Variants in FAM91A1 observed in about 807,000 individuals in gnomAD.
FAM91A1 encodes protein FAM91A1.
In FAM91A1, 41 loss-of-function variants were observed where a neutral mutation model predicts 113.5. That is an observed-to-expected ratio of 0.36 (90% CI 0.28 to 0.47). The LOEUF (loss-of-function observed/expected upper bound fraction) is 0.47. Ranked by LOEUF, FAM91A1 falls within the 20% of genes least tolerant of loss-of-function variation. FAM91A1 has a pLI of 1.00. For missense variants in FAM91A1, 696 were observed against 1,001.2 expected (o/e 0.70, Z 4.11); for synonymous variants, 307 against 347.9 (o/e 0.88, Z 1.31).
chr8:123,804,714 T>C (rs1214622091), intron 18 of FAM91A1, among the ~76,000 whole-genome samples: 1 of 152,144 alleles, frequency 6.6e-6, no homozygotes, highest in Non-Finnish European at 1.5e-5. Flanking sequence ...ATCTTTCCAT[T>C]GCAGGTCATA....
chr8:123,808,251 T>G, intron 20 of FAM91A1, 21 bp from the exon 21 acceptor site: 1 of 1,590,904 alleles, frequency 6.3e-7, no homozygotes, highest in Non-Finnish European at 8.6e-7. Context: ...CCTAATATTG[T>G]GTATGCCCTT....
chr8:123,789,528 G>A, intron 14 of FAM91A1, 85 bp from the exon 15 acceptor site: 2 of 1,572,184 alleles, frequency 1.3e-6, no homozygotes, highest in Non-Finnish European at 1.7e-6. Flanking sequence ...TTTGAATAAT[G>A]TCTTATATCT....
chr8:123,790,746 C>T (rs1165700520), intron 15 of FAM91A1, among the ~76,000 whole-genome samples: 1 of 152,136 alleles, frequency 6.6e-6, no homozygotes, highest in Non-Finnish European at 1.5e-5. Context: ...TTGAGTGAGG[C>T]TAGACTCACT....
In FAM91A1 at chr8:123,768,574, C is replaced by A; in HGVS notation, c.-129C>A. Reference sequence around the variant, plus strand: ...GTCGGGAGCCTAGGCCATGGGGCAGCCTGGGCCTTCTGCAGTGTGAGGCGC... The same window carrying A: ...GTCGGGAGCCTAGGCCATGGGGCAGACTGGGCCTTCTGCAGTGTGAGGCGC... On this transcript the variant is annotated 5_prime_UTR_variant, in exon 1 of 24. Transcript: ENST00000334705. 1.3e-6 allele frequency: 1 copy of A among 763,624 alleles called. No homozygotes were observed. Among genetic ancestry groups the A allele is most frequent in the Non-Finnish European group, 2.0e-6 (1 of 490,120 alleles). 47.3% of individuals were successfully genotyped at this position (763,624 alleles called of 1,614,324 possible).
chr8:123,796,461 C>CTTTT (rs71289612), intron 15 of FAM91A1, among the ~76,000 whole-genome samples: 1 of 129,044 alleles, frequency 7.7e-6, no homozygotes, highest in Non-Finnish European at 1.6e-5. Context: ...GAGTGAAGGG[C>CTTTT]TTTTTTTTTT....
intron 23 of FAM91A1, among the ~76,000 whole-genome samples, chr8:123,811,779 G>C (rs144588287): frequency 1.9e-4 from 29 of 152,240 alleles, no homozygotes; most frequent in Middle Eastern, 3.4e-3. Context: ...TGGAGTCCTG[G>C]GGGGAGGTCT....
At chr8:123,779,277 A>G (rs1815061851) in intron 6 of FAM91A1, among the ~76,000 whole-genome samples, 2 of 152,226 alleles carry the variant, frequency 1.3e-5, no homozygotes, top group Admixed American at 6.5e-5. Flanking sequence ...GCAGTTCACC[A>G]TGAAACTTGT....
At chr8:123,772,945 C>T (rs756303364) in intron 1 of FAM91A1, among the ~76,000 whole-genome samples, 13 of 152,118 alleles carry the variant, frequency 8.5e-5, no homozygotes, top group South Asian at 8.3e-4. Context: ...CTCTTCACAT[C>T]AAGTAGGCTG....
chr8:123,774,299 C>G, intron 2 of FAM91A1, 135 bp downstream of exon 2: 2 of 563,444 alleles, frequency 3.5e-6, no homozygotes, highest in Non-Finnish European at 3.0e-6. Context: ...TACACTGATC[C>G]ATTCCACCTA....
intron 3 of FAM91A1, among the ~76,000 whole-genome samples, chr8:123,775,917 A>T (rs2130049047): frequency 6.6e-6 from 1 of 152,336 alleles, no homozygotes; most frequent in Middle Eastern, 3.4e-3. Flanking sequence ...GTGAGCCGAG[A>T]TAGCGCCACT....
chr8:123,791,567 G>A (rs74398199), intron 15 of FAM91A1, among the ~76,000 whole-genome samples: 206 of 152,200 alleles, frequency 1.4e-3, no homozygotes, highest in African/African-American at 4.6e-3. Flanking sequence ...TAATTGCTGG[G>A]TCTCCAAAGT....
intron 18 of FAM91A1, among the ~76,000 whole-genome samples, chr8:123,804,549 C>CCTG (rs922367951): frequency 6.6e-6 from 1 of 150,632 alleles, no homozygotes; most frequent in African/African-American, 2.4e-5. Context: ...GTATCACTCC[C>CCTG]CTGCTAACCC....
At position 123,810,485 on chromosome 8, in the gene FAM91A1, A is replaced by C. The variant is rs192808672; in HGVS notation, c.2331+134A>C. The C allele has an allele frequency of 7.7e-6, 7 of 905,248 alleles. No individual in the cohort carries two copies. The East Asian group carries it at 1.7e-4, about 22-fold the overall frequency. 56.1% of individuals were successfully genotyped at this position (905,248 alleles called of 1,614,324 possible). ...TTAATTTTATTGTACAAATGAAGACATTGAGATTCAAGAAGTTAATGGACT... is the reference window on the plus strand; with the variant it reads ...TTAATTTTATTGTACAAATGAAGACCTTGAGATTCAAGAAGTTAATGGACT... On this transcript the variant is annotated intron_variant, in intron 23 of 23. Transcript: ENST00000334705.
chr8:123,773,990 G>A (rs1814919352), intron 1 of FAM91A1, 90 bp from the exon 2 acceptor site: 1 of 901,802 alleles, frequency 1.1e-6, no homozygotes, highest in Admixed American at 2.6e-5. Flanking sequence ...GATAAAAATG[G>A]GGGTCGTGGT....
rs1815808298 is a variant in FAM91A1 at position 123,806,258 on chromosome 8, A to C, written c.2032+29A>C. Reference sequence around the variant, plus strand: ...AGCCAATAGTTGGATTCTTTGGATTAAGATAATTGGTTTTGAGTTTGACAC... The same window carrying C: ...AGCCAATAGTTGGATTCTTTGGATTCAGATAATTGGTTTTGAGTTTGACAC... On this transcript the variant is annotated intron_variant, in intron 20 of 23. Coordinates refer to ENST00000334705, the MANE Select transcript of FAM91A1 (RefSeq NM_144963.4). 3.1e-6 allele frequency: 5 copies of C among 1,591,100 alleles called. No homozygotes were observed. The East Asian group carries it at 1.1e-4, about 36-fold the overall frequency.
At position 123,814,424 on chromosome 8, in the gene FAM91A1, T is replaced by C. The variant is rs1470744159; in HGVS notation, c.*1720T>C. On this transcript the variant is annotated 3_prime_UTR_variant, in exon 24 of 24. Transcript: ENST00000334705. ...TGTAGTTATTTTATTTATTCCTATA[T>C]TAACCATCTAAACCAACTGTAATGA... 1 of 192,056 alleles carries C rather than the reference T, an allele frequency of 5.2e-6. No individual in the cohort carries two copies. Among genetic ancestry groups the C allele is most frequent in the African/African-American group, 2.4e-5 (1 of 41,680 alleles). 11.9% of individuals were successfully genotyped at this position (192,056 alleles called of 1,614,324 possible).
intron 18 of FAM91A1, among the ~76,000 whole-genome samples, chr8:123,800,847 A>G (rs1307253385): frequency 1.3e-5 from 2 of 152,140 alleles, no homozygotes; most frequent in Non-Finnish European, 2.9e-5. Context: ...TTGTCATAGT[A>G]TCAATACTTC....
chr8:123,782,520 A>G (rs1445349946), intron 8 of FAM91A1, among the ~76,000 whole-genome samples: 1 of 152,210 alleles, frequency 6.6e-6, no homozygotes, highest in African/African-American at 2.4e-5. Flanking sequence ...AAATAAATTT[A>G]TTCCATTATT....
At chr8:123,780,587 A>G (rs748860994) in intron 8 of FAM91A1, 45 bp downstream of exon 8, 3 of 1,503,460 alleles carry the variant, frequency 2.0e-6, no homozygotes, top group South Asian at 1.2e-5. Context: ...AATGGATATC[A>G]GGTGCTAAGC....
Sources: gnomAD v4.1 joint callset for allele counts (sites outside exome capture counted in the v4.1 genomes callset) on GRCh38, gnomAD v4.1.1 for gene constraint, MANE v1.5 for transcripts, NCBI Gene and HGNC (gene_info 2026-07-23, HGNC 2026-07-21) for gene names.